The following GPHN variants were observed in gnomAD, a reference collection of about 807,000 sequenced individuals.
GPHN encodes gephyrin.
Under a neutral mutation model 95.5 loss-of-function variants are expected in GPHN, and 17 were observed. The observed-to-expected ratio is 0.18, with a 90% confidence interval of 0.12 to 0.27. The LOEUF is 0.27. Ranked by LOEUF, GPHN falls within the 10% of genes least tolerant of loss-of-function variation. GPHN has a pLI of 1.00. For synonymous variants in GPHN, 320 were observed against 322.5 expected (o/e 0.99, Z 0.08); for missense variants, 660 against 978.1 (o/e 0.67, Z 4.34).
At chr14:67,539,392 G>A in the GPHN span, among the ~76,000 whole-genome samples, 1 of 152,282 alleles carries the variant, frequency 6.6e-6, no homozygotes, top group South Asian at 2.1e-4. Context: ...GGAGAGCAGC[G>A]CTGAAGTCAT....
intron 1 of GPHN, among the ~76,000 whole-genome samples, chr14:66,668,932 GTACAATGGC>G: frequency 6.7e-6 from 1 of 150,116 alleles, no homozygotes; most frequent in Non-Finnish European, 1.5e-5. Context: ...CCAGGCTGGA[GTACAATGGC>G]GTTATCTCGG....
At chr14:67,302,459 TA>T in the GPHN span, 1 of 1,599,622 alleles carries the variant, frequency 6.3e-7, no homozygotes, top group Non-Finnish European at 8.5e-7. Context: ...AGCCGGATAG[TA>T]AAAGGGGGTG....
At chr14:66,660,600 C>A (rs2065587269) in intron 1 of GPHN, among the ~76,000 whole-genome samples, 1 of 151,912 alleles carries the variant, frequency 6.6e-6, no homozygotes, top group South Asian at 2.1e-4. Flanking sequence ...GTTCACAGTT[C>A]TTTTATTTAA....
the GPHN span, among the ~76,000 whole-genome samples, chr14:67,339,767 G>A: frequency 2.0e-5 from 3 of 152,038 alleles, no homozygotes; most frequent in African/African-American, 7.2e-5. Flanking sequence ...CAGTTTTTAT[G>A]TAGGAGGCAC....
the GPHN span, chr14:67,225,249 T>C: frequency 1.3e-6 from 2 of 1,516,912 alleles, no homozygotes; most frequent in Non-Finnish European, 1.8e-6. Context: ...TGGAAAAACA[T>C]GTAAGACAAA....
At chr14:67,331,303 C>T in the GPHN span, among the ~76,000 whole-genome samples, 1 of 152,178 alleles carries the variant, frequency 6.6e-6, no homozygotes. Flanking sequence ...CCTTGGCCTC[C>T]CAAAGTGCTG....
chr14:67,506,258 T>C, the GPHN span, among the ~76,000 whole-genome samples: 1 of 152,204 alleles, frequency 6.6e-6, no homozygotes, highest in African/African-American at 2.4e-5. Context: ...GAGACTATGC[T>C]TGTAAGACTT....
At chr14:67,119,642 T>G (rs1409034450) in intron 16 of GPHN, among the ~76,000 whole-genome samples, 1 of 151,750 alleles carries the variant, frequency 6.6e-6, no homozygotes, top group African/African-American at 2.4e-5. Flanking sequence ...AATACAAAAT[T>G]AGCCGGGCGT....
At chr14:66,640,084 T>C (rs987901692) in intron 1 of GPHN, among the ~76,000 whole-genome samples, 1 of 152,134 alleles carries the variant, frequency 6.6e-6, no homozygotes, top group African/African-American at 2.4e-5. Context: ...CTTTTGTTCA[T>C]TCCTGAATTG....
At chr14:67,583,705 G>T in the GPHN span, 1 of 1,579,392 alleles carries the variant, frequency 6.3e-7, no homozygotes, top group South Asian at 1.1e-5. Context: ...TCCACTGTCA[G>T]ATTTTGACTG....
intron 3 of GPHN, among the ~76,000 whole-genome samples, chr14:66,814,244 G>A (rs981587141): frequency 7.2e-5 from 11 of 152,142 alleles, no homozygotes; most frequent in African/African-American, 2.7e-4. Context: ...CTTATTTGAG[G>A]GGCACAGAGA....
chr14:67,354,648 A>G, the GPHN span, among the ~76,000 whole-genome samples: 1 of 152,236 alleles, frequency 6.6e-6, no homozygotes, highest in Non-Finnish European at 1.5e-5. Flanking sequence ...TGCTGTCTAT[A>G]TAACAGTCTT....
chr14:67,607,068 A>G, the GPHN span, among the ~76,000 whole-genome samples: 1 of 152,198 alleles, frequency 6.6e-6, no homozygotes, highest in Non-Finnish European at 1.5e-5. Context: ...CAGACTCAGA[A>G]TCTCAGTTTT....
rs1434581578 is a variant in GPHN at position 67,136,629 on chromosome 14, C to CA, written c.1749-6726dup. 1.4e-4 allele frequency among the ~76,000 whole-genome samples: 21 copies of CA among 152,100 alleles called. No homozygotes were observed. The East Asian group carries it at 3.9e-3, about 28-fold the overall frequency. ...ATAAAGAGAATAATACCCCCTTCCC[C>CA]AAAAAAATGATACTAGTTTTTCAGG... On this transcript the variant is annotated intron_variant, in intron 17 of 22. Transcript: ENST00000478722.
intron 8 of GPHN, among the ~76,000 whole-genome samples, chr14:66,947,731 A>G (rs112875187): frequency 0.015 from 2,303 of 152,150 alleles, 33 homozygotes; most frequent in Non-Finnish European, 0.018. Flanking sequence ...GCTGAGGTGG[A>G]GGGATTGCTT....
At chr14:66,589,697 T>G in intron 1 of GPHN, among the ~76,000 whole-genome samples, 1 of 152,110 alleles carries the variant, frequency 6.6e-6, no homozygotes, top group Non-Finnish European at 1.5e-5. Flanking sequence ...CTTAGAGACC[T>G]ACAAAGAGAC....
chr14:66,684,540 G>A (rs1483147281), intron 2 of GPHN, among the ~76,000 whole-genome samples: 2 of 152,104 alleles, frequency 1.3e-5, no homozygotes, highest in African/African-American at 4.8e-5. Flanking sequence ...TCAAGCTAAT[G>A]GAACAATGAT....
intron 3 of GPHN, among the ~76,000 whole-genome samples, chr14:66,782,447 A>C (rs543051260): frequency 1.3e-5 from 2 of 152,304 alleles, no homozygotes; most frequent in Admixed American, 1.3e-4. Context: ...GGAGACTTCC[A>C]GCCAAGATGG....
At chr14:66,763,412 C>A (rs1288284012) in intron 2 of GPHN, among the ~76,000 whole-genome samples, 1 of 130,302 alleles carries the variant, frequency 7.7e-6, no homozygotes, top group East Asian at 2.3e-4. Context: ...CACCACAGTC[C>A]CCAGAGTGTG....
Sources: gnomAD v4.1 joint callset for allele counts (sites outside exome capture counted in the v4.1 genomes callset) on GRCh38, gnomAD v4.1.1 for gene constraint, MANE v1.5 for transcripts, NCBI Gene and HGNC (gene_info 2026-07-23, HGNC 2026-07-21) for gene names.